Variants in EBAG9 observed in about 807,000 individuals in gnomAD.
EBAG9 encodes the protein receptor-binding cancer antigen expressed on SiSo cells.
Under a neutral mutation model 30.9 loss-of-function variants are expected in EBAG9, and 16 were observed. The ratio of observed to expected loss-of-function variants is 0.52; its 90% CI spans 0.35 to 0.79. EBAG9 has a LOEUF of 0.79. EBAG9 is among the 30% of genes least tolerant of loss of function. The probability of loss-of-function intolerance (pLI) is 0.01; values close to 1 mark genes in which losing one functional copy is unlikely to be tolerated. For synonymous variants in EBAG9, 93 were observed against 82.8 expected (o/e 1.12, Z -0.67); for missense variants, 197 against 242.1 (o/e 0.81, Z 1.24).
At position 109,564,618 on chromosome 8, in the gene EBAG9, C is replaced by CA. The variant is rs1452978595; in HGVS notation, c.*60dup. The stretch of plus-strand genomic sequence containing the variant: ...AATCTCAGCTCCACAACCCAAGCAA[C>CA]ATTTGTATGGATTTAAGAGTATTTT... On this transcript the variant is annotated 3_prime_UTR_variant, in exon 7 of 7. Transcript: ENST00000337573. 3.1e-6 allele frequency: 5 copies of CA among 1,597,366 alleles called. No homozygotes were observed. The highest frequency in any genetic ancestry group is 2.2e-5 in the East Asian group (1 of 44,572).
intron 4 of EBAG9, among the ~76,000 whole-genome samples, chr8:109,555,214 A>G (rs1014273314): frequency 6.6e-6 from 1 of 150,870 alleles, no homozygotes; most frequent in African/African-American, 2.4e-5. Flanking sequence ...GTTCCCACCT[A>G]TGAGTGACAA....
At chr8:109,556,475 G>A (rs1821599988) in intron 4 of EBAG9, among the ~76,000 whole-genome samples, 1 of 152,062 alleles carries the variant, frequency 6.6e-6, no homozygotes, top group Non-Finnish European at 1.5e-5. Context: ...TTGCTATAGT[G>A]CCTTATTAAA....
intron 1 of EBAG9, among the ~76,000 whole-genome samples, chr8:109,543,661 C>T (rs1821324866): frequency 6.6e-6 from 1 of 151,894 alleles, no homozygotes; most frequent in Non-Finnish European, 1.5e-5. Flanking sequence ...TTAACCTATT[C>T]AATGTAATAT....
intron 4 of EBAG9, 97 bp from the exon 5 acceptor site, chr8:109,556,838 A>G (rs1821607488): frequency 1.9e-6 from 1 of 535,384 alleles, no homozygotes; most frequent in East Asian, 3.5e-5. Context: ...AATTTTAAGA[A>G]GAAATATTTT....
chr8:109,564,737 T>G lies in EBAG9; in HGVS notation c.*178T>G. 1.3e-6 allele frequency: 1 copy of G among 758,862 alleles called. No homozygotes were observed. Among genetic ancestry groups the G allele is most frequent in the Non-Finnish European group, 2.0e-6 (1 of 505,634 alleles). The allele number at this position is 758,862 out of a possible 1,614,324, so 47.0% of individuals were successfully genotyped here. On this transcript the variant is annotated 3_prime_UTR_variant, in exon 7 of 7. Transcript: ENST00000337573. ...ACCTTGAACTCTTAGTGATTGAGACTCAAAAAAACAAAAAAGACTTGAGAC... is the reference window on the plus strand; with the variant it reads ...ACCTTGAACTCTTAGTGATTGAGACGCAAAAAAACAAAAAAGACTTGAGAC...
intron 1 of EBAG9, among the ~76,000 whole-genome samples, chr8:109,541,554 T>C (rs868213178): frequency 1.3e-5 from 2 of 152,168 alleles, no homozygotes; most frequent in Non-Finnish European, 2.9e-5. Flanking sequence ...GGAATGTTAG[T>C]TTCCTTCCAT....
chr8:109,550,743 T>C, intron 1 of EBAG9, 67 bp from the exon 2 acceptor site: 1 of 926,196 alleles, frequency 1.1e-6, no homozygotes, highest in Non-Finnish European at 1.7e-6. Flanking sequence ...TAATAGGTCT[T>C]TTCAGGACAG....
intron 1 of EBAG9, among the ~76,000 whole-genome samples, chr8:109,549,237 C>T (rs927494603): frequency 2.0e-5 from 3 of 151,830 alleles, no homozygotes; most frequent in Non-Finnish European, 2.9e-5. Context: ...TCCAACATTT[C>T]CAAACTAAGC....
chr8:109,555,845 A>G, intron 4 of EBAG9, among the ~76,000 whole-genome samples: 1 of 152,276 alleles, frequency 6.6e-6, no homozygotes, highest in South Asian at 2.1e-4. Flanking sequence ...TAAATCAAAA[A>G]CTGTAGAAGA....
chr8:109,551,394 A>G (rs1487535604), intron 2 of EBAG9, among the ~76,000 whole-genome samples: 1 of 152,074 alleles, frequency 6.6e-6, no homozygotes, highest in Non-Finnish European at 1.5e-5. Flanking sequence ...AGAGCAGGTA[A>G]GTCATTTGCT....
chr8:109,564,559 A>G lies in EBAG9; in HGVS notation c.642A>G (p.Ter214=), dbSNP rs202170361. The G allele has an allele frequency of 3.7e-6, 6 of 1,611,376 alleles. No individual in the cohort carries two copies. The Admixed American group carries it at 6.7e-5, about 18-fold the overall frequency. ...EQNKIGVKLS[*] ...ACAAAATTGGTGTGAAACTTTCATAACACATGTTCAAATTTTATCATGCCA... is the reference window on the plus strand; with the variant it reads ...ACAAAATTGGTGTGAAACTTTCATAGCACATGTTCAAATTTTATCATGCCA... Residue 214 remains the stop codon, a stop_retained_variant, in exon 7 of 7, where the codon TAA becomes TAG. Transcript: ENST00000337573.
intron 1 of EBAG9, among the ~76,000 whole-genome samples, chr8:109,546,954 T>C (rs774575555): frequency 5.9e-5 from 9 of 152,226 alleles, no homozygotes; most frequent in African/African-American, 9.6e-5. Flanking sequence ...TATACATTTG[T>C]GTTGTTTCCA....
intron 5 of EBAG9, among the ~76,000 whole-genome samples, chr8:109,559,871 T>A (rs1821677094): frequency 6.6e-6 from 1 of 152,022 alleles, no homozygotes; most frequent in Non-Finnish European, 1.5e-5. Flanking sequence ...GTCAAGAGGA[T>A]AACTTGGTAC....
chr8:109,555,890 C>T (rs1181095072), intron 4 of EBAG9, among the ~76,000 whole-genome samples: 1 of 152,116 alleles, frequency 6.6e-6, no homozygotes, highest in Non-Finnish European at 1.5e-5. Flanking sequence ...TGACCCATCA[C>T]TCTTAGCCAG....
At chr8:109,550,496 G>T (rs1394031373) in intron 1 of EBAG9, 2 of 200,488 alleles carry the variant, frequency 1.0e-5, no homozygotes, top group Non-Finnish European at 9.9e-6. Context: ...GGTACACAGA[G>T]ATTTAATATA....
chr8:109,562,843 T>C (rs1451646990), intron 6 of EBAG9, among the ~76,000 whole-genome samples: 2 of 152,022 alleles, frequency 1.3e-5, no homozygotes, highest in Admixed American at 1.3e-4. Flanking sequence ...CCAATGAGAA[T>C]TTCCTTTGAG....
intron 4 of EBAG9, among the ~76,000 whole-genome samples, chr8:109,556,181 AAC>A (rs1228449143): frequency 3.9e-5 from 6 of 152,058 alleles, no homozygotes; most frequent in South Asian, 2.1e-4. Context: ...TATATATATA[AAC>A]ACACACACAT....
chr8:109,549,710 T>C (rs1002575652), intron 1 of EBAG9, among the ~76,000 whole-genome samples: 1 of 152,092 alleles, frequency 6.6e-6, no homozygotes, highest in Non-Finnish European at 1.5e-5. Flanking sequence ...AACAATGTTA[T>C]CTGTCTTGTT....
intron 1 of EBAG9, among the ~76,000 whole-genome samples, chr8:109,548,887 CTTTT>C (rs548152043): frequency 8.0e-6 from 1 of 125,112 alleles, no homozygotes; most frequent in Non-Finnish European, 1.7e-5. Flanking sequence ...TTTCTTTTTT[CTTTT>C]TTTTTTTTTT....
Sources: allele counts gnomAD v4.1 joint callset (sites outside exome capture counted in the v4.1 genomes callset), GRCh38; gene constraint gnomAD v4.1.1; transcripts MANE v1.5; gene names NCBI Gene and HGNC (gene_info 2026-07-23, HGNC 2026-07-21).